The following ASAH1 variants were observed in gnomAD, a reference collection of about 807,000 sequenced individuals.
The protein encoded by ASAH1 is N-acylsphingosine amidohydrolase 1.
In ASAH1, 70 loss-of-function variants were observed where a neutral mutation model predicts 59.5. The ratio of observed to expected loss-of-function variants is 1.18; its 90% confidence interval spans 0.97 to 1.43. ASAH1 has a LOEUF of 1.43. Among genes scored for constraint, ASAH1 ranks in the 40% most tolerant of loss-of-function variants. The pLI, the probability that ASAH1 is intolerant of heterozygous loss-of-function variation, is 0.00. For missense variants in ASAH1, 660 were observed against 482.5 expected (o/e 1.37, Z -3.45); for synonymous variants, 213 against 166.5 (o/e 1.28, Z -2.15).
At chr8:18,084,409 G>A (rs1480806384), upstream of ASAH1, 4 of 1,391,970 alleles carry the variant, frequency 2.9e-6, no homozygotes, top group South Asian at 3.0e-5. Flanking sequence ...AGCTTCACCC[G>A]TGGCGCCTCG....
chr8:18,078,932 G>T (rs920511129), intron 1 of ASAH1, among the ~76,000 whole-genome samples: 1 of 151,850 alleles, frequency 6.6e-6, no homozygotes, highest in South Asian at 2.1e-4. Context: ...GCCCCTCAGT[G>T]GTCTCCTAAG....
rs1392247895 is a variant in ASAH1 at position 18,061,381 on chromosome 8, T to G, written c.781A>C (p.Thr261Pro). The change falls in exon 10 of 14, where the codon ACA (threonine) becomes CCA (proline). Residue 261 changes from threonine (T) to proline (P), a missense_variant. Coordinates refer to ENST00000637790, the MANE Select transcript of ASAH1 (RefSeq NM_177924.5). ...FLTRTVLENS[T>P]SYEEAKNLLT... ...TAAAGCAACGAAACACTTTACCTTG[T>G]GCTATTTTCCAGAACTGTTCTAGTG... 11 of 1,609,998 alleles carry G rather than the reference T, an allele frequency of 6.8e-6. No homozygotes were observed. Among genetic ancestry groups the G allele is most frequent in the Non-Finnish European group, 9.4e-6 (11 of 1,176,140 alleles).
rs779213576 is a variant in ASAH1, at chr8:18,059,377, C to G, written c.1005G>C (p.Thr335=). The change falls in exon 12 of 14, where the codon ACG becomes ACC. Residue 335 remains threonine, a synonymous_variant. Coordinates refer to ENST00000637790, the MANE Select transcript of ASAH1 (RefSeq NM_177924.5). ...TGCGGTTCAGACACATCTTTGCAGG[C>G]GTTCTGCGATCATCAAGGAAGAAGG... ...KHPFFLDDRR[T]PAKMCLNRTS... 6.2e-7 allele frequency: 1 copy of G among 1,614,198 alleles called. No individual in the cohort carries two copies. The highest frequency in any genetic ancestry group is 8.5e-7 in the Non-Finnish European group (1 of 1,180,032).
Position 18,061,300 on chromosome 8 carries a change from G to C in ASAH1, c.785+77C>G. ...TAGTTCCTCAAAGGATTAAGCTGGAGCTTGACAAATATTTTTATTTTTTAA... is the reference window on the plus strand; with the variant it reads ...TAGTTCCTCAAAGGATTAAGCTGGACCTTGACAAATATTTTTATTTTTTAA... On this transcript the variant is annotated intron_variant, in intron 10 of 13. Coordinates refer to ENST00000637790, the MANE Select transcript of ASAH1 (RefSeq NM_177924.5). 4 of 1,274,002 alleles carry C rather than the reference G, an allele frequency of 3.1e-6. No homozygotes were observed. In the South Asian group the frequency reaches 5.6e-5, roughly 18 times the overall value. 78.9% of individuals were successfully genotyped at this position (1,274,002 alleles called of 1,614,324 possible).
intron 2 of ASAH1, among the ~76,000 whole-genome samples, chr8:18,074,252 G>A (rs34899721): frequency 0.11 from 16,422 of 152,160 alleles, 986 homozygotes; most frequent in African/African-American, 0.15. Context: ...ATGACAGAAA[G>A]GAAGACTTTC....
chr8:18,071,520 A>C (rs1295425994), intron 2 of ASAH1, 130 bp from the exon 3 acceptor site: 2 of 631,648 alleles, frequency 3.2e-6, no homozygotes, highest in Admixed American at 2.2e-5. Context: ...CCAAACCAAA[A>C]TTTGGAAAGA....
intron 4 of ASAH1, 45 bp from the exon 5 acceptor site, chr8:18,067,343 T>A (rs910824071): frequency 1.8e-6 from 2 of 1,132,398 alleles, no homozygotes; most frequent in African/African-American, 1.6e-5. Context: ...ATAATAACAA[T>A]AAAAAATATA....
At chr8:18,071,161 C>A (rs1248202459) in intron 3 of ASAH1, 139 bp downstream of exon 3, 6 of 329,822 alleles carry the variant, frequency 1.8e-5, no homozygotes, top group Non-Finnish European at 3.0e-5. Context: ...GAGCTGAGAT[C>A]GTGCCACTGC....
At chr8:18,080,755 T>G (rs1255579241) in intron 1 of ASAH1, among the ~76,000 whole-genome samples, 2 of 152,052 alleles carry the variant, frequency 1.3e-5, no homozygotes, top group Non-Finnish European at 2.9e-5. Flanking sequence ...ACAGGGTTTC[T>G]CCATGTTGGC....
intron 6 of ASAH1, 143 bp from the exon 7 acceptor site, chr8:18,063,373 A>C: frequency 1.3e-5 from 10 of 750,982 alleles, no homozygotes; most frequent in Non-Finnish European, 1.9e-5. Context: ...GTGCGATCTC[A>C]GCTCACTGCG....
At chr8:18,084,220 G>C (rs1301990950), upstream of ASAH1, 3 of 1,504,124 alleles carry the variant, frequency 2.0e-6, no homozygotes, top group Non-Finnish European at 2.6e-6. Flanking sequence ...ACTGGGAGGA[G>C]AGGACGGGGC....
intron 8 of ASAH1, chr8:18,062,000 A>G: frequency 1.6e-6 from 1 of 618,288 alleles, no homozygotes; most frequent in Non-Finnish European, 2.8e-6. Context: ...TGACTTGCCT[A>G]AGTGAGCGGA....
intron 1 of ASAH1, chr8:18,076,784 G>A (rs962852460): frequency 2.0e-4 from 30 of 152,118 alleles, no homozygotes; most frequent in African/African-American, 7.2e-4. Context: ...GTATCTGCTG[G>A]ACAGCTGTGT....
chr8:18,068,257 C>T (rs895360948), intron 4 of ASAH1: 1 of 152,144 alleles, frequency 6.6e-6, no homozygotes, highest in African/African-American at 2.4e-5. Flanking sequence ...TGTGACTGAT[C>T]CAGCCTTAAA....
At chr8:18,060,269 G>A (rs1349238385) in intron 10 of ASAH1, 1 of 155,242 alleles carries the variant, frequency 6.4e-6, no homozygotes, top group Non-Finnish European at 1.4e-5. Flanking sequence ...TGGGATTACA[G>A]GCATGAGCCA....
intron 12 of ASAH1, 84 bp downstream of exon 12, chr8:18,059,257 A>T: frequency 6.3e-7 from 1 of 1,595,098 alleles, no homozygotes; most frequent in Non-Finnish European, 8.6e-7. Flanking sequence ...TTTATAAATT[A>T]CTTGAAGGCC....
intron 3 of ASAH1, among the ~76,000 whole-genome samples, chr8:18,070,159 T>TC (rs1800102188): frequency 6.6e-6 from 1 of 151,284 alleles, no homozygotes; most frequent in Non-Finnish European, 1.5e-5. Context: ...TTTTGTATTT[T>TC]TTTTTTTAAG....
At chr8:18,069,357 C>A in intron 4 of ASAH1, 1 of 167,930 alleles carries the variant, frequency 6.0e-6, no homozygotes, top group Non-Finnish European at 1.3e-5. Context: ...AAACACTCAG[C>A]CCAAATGAGT....
chr8:18,067,129 A>AGCACCTGTGCTGTATATCTAAGACATACG, intron 5 of ASAH1, 91 bp downstream of exon 5: 3 of 564,996 alleles, frequency 5.3e-6, no homozygotes, highest in Non-Finnish European at 7.2e-6. Context: ...TAAGACATAC[A>AGCACCTGTGCTGTATATCTAAGACATACG]GCACCTGTGC....
Sources: gnomAD v4.1 joint callset for allele counts (sites outside exome capture counted in the v4.1 genomes callset) on GRCh38, gnomAD v4.1.1 for gene constraint, MANE v1.5 for transcripts, NCBI Gene and HGNC (gene_info 2026-07-23, HGNC 2026-07-21) for gene names.